Variants in CSMD3 observed in about 807,000 individuals in gnomAD.
The protein encoded by CSMD3 is CUB and sushi domain-containing protein 3.
A neutral mutation model predicts 435.2 loss-of-function variants in CSMD3; 177 were observed. The ratio of observed to expected loss-of-function variants is 0.41; its 90% CI spans 0.36 to 0.46. The LOEUF is 0.46. Ranked by LOEUF, CSMD3 falls within the 20% of genes least tolerant of loss-of-function variation. The pLI, the probability that CSMD3 is intolerant of heterozygous loss-of-function variation, is 0.34. For synonymous variants in CSMD3, 1,656 were observed against 1,520.5 expected (o/e 1.09, Z -2.07); for missense variants, 4,265 against 4,504.6 (o/e 0.95, Z 1.52).
intron 10 of CSMD3, among the ~76,000 whole-genome samples, chr8:112,867,694 G>A (rs1356547751): frequency 1.3e-5 from 2 of 151,902 alleles, no homozygotes; most frequent in African/African-American, 2.4e-5. Flanking sequence ...CAAAGAAAAG[G>A]TAAAAATATC....
chr8:112,998,813 G>T (rs1366545424), intron 6 of CSMD3, among the ~76,000 whole-genome samples: 1 of 151,836 alleles, frequency 6.6e-6, no homozygotes, highest in Non-Finnish European at 1.5e-5. Flanking sequence ...GTTCTCATGA[G>T]ATCTGGTTGT....
intron 59 of CSMD3, among the ~76,000 whole-genome samples, chr8:112,273,954 A>G (rs1253133733): frequency 2.0e-5 from 3 of 151,064 alleles, no homozygotes; most frequent in Admixed American, 6.6e-5. Context: ...AAAAAAAGCT[A>G]TACAGTATGG....
intron 1 of CSMD3, among the ~76,000 whole-genome samples, chr8:113,399,098 T>C (rs1234208376): frequency 9.9e-5 from 9 of 90,588 alleles, no homozygotes; most frequent in African/African-American, 3.7e-4. Context: ...TATATATATA[T>C]ATATATATAC....
chr8:113,386,256 G>A (rs936477924), intron 1 of CSMD3, among the ~76,000 whole-genome samples: 8 of 151,920 alleles, frequency 5.3e-5, no homozygotes, highest in African/African-American at 1.7e-4. Context: ...GGGGGTAGTA[G>A]ATGTCTGTAA....
At chr8:112,381,778 C>A (rs1481577055) in intron 37 of CSMD3, among the ~76,000 whole-genome samples, 1 of 152,134 alleles carries the variant, frequency 6.6e-6, no homozygotes, top group Non-Finnish European at 1.5e-5. Flanking sequence ...TGGAGTCACA[C>A]CAGGTGGGTC....
chr8:112,521,037 G>C (rs1282100651), intron 27 of CSMD3, among the ~76,000 whole-genome samples: 2 of 151,830 alleles, frequency 1.3e-5, no homozygotes, highest in African/African-American at 4.8e-5. Flanking sequence ...CACTGTTAAG[G>C]ACTTACTCCT....
chr8:112,384,159 T>G (rs1437637394), intron 36 of CSMD3, among the ~76,000 whole-genome samples: 1 of 152,230 alleles, frequency 6.6e-6, no homozygotes, highest in Admixed American at 6.5e-5. Flanking sequence ...TTTCCTTGCA[T>G]AAACTTTGCT....
At chr8:113,231,348 T>C (rs1225304384) in intron 3 of CSMD3, among the ~76,000 whole-genome samples, 1 of 151,372 alleles carries the variant, frequency 6.6e-6, no homozygotes, top group East Asian at 1.9e-4. Context: ...CATGGATATA[T>C]ATCTTTCTAA....
rs1828360659 is a variant in CSMD3 at position 112,558,792 on chromosome 8, A to T, written c.4043-1838T>A. ...ATCATCAACATTTTAAAATTAAGAC[A>T]AAATATGTGAAATAATAACTAGCCA... On this transcript the variant is annotated intron_variant, in intron 24 of 70. Transcript: ENST00000297405. Among the ~76,000 whole-genome samples the T allele has an allele frequency of 2.0e-5, 3 of 152,008 alleles. No homozygotes were observed. In the Admixed American group the frequency reaches 2.0e-4, roughly 10 times the overall value.
At chr8:112,808,364 G>C (rs990005474) in intron 12 of CSMD3, among the ~76,000 whole-genome samples, 1 of 152,070 alleles carries the variant, frequency 6.6e-6, no homozygotes. Flanking sequence ...ATCCTACCTT[G>C]TTTTAACTGG....
chr8:113,060,376 T>A (rs965431402), intron 5 of CSMD3, among the ~76,000 whole-genome samples: 1 of 151,028 alleles, frequency 6.6e-6, no homozygotes, highest in Admixed American at 6.6e-5. Context: ...TGCCACATTT[T>A]CTTAATCCAG....
At chr8:112,262,574 T>C (rs1048789499) in intron 61 of CSMD3, among the ~76,000 whole-genome samples, 4 of 152,238 alleles carry the variant, frequency 2.6e-5, no homozygotes, top group Admixed American at 6.5e-5. Flanking sequence ...AAGTGTTATA[T>C]GTCAGTGATG....
intron 6 of CSMD3, among the ~76,000 whole-genome samples, chr8:112,986,155 T>C (rs920628153): frequency 6.6e-6 from 1 of 152,216 alleles, no homozygotes; most frequent in African/African-American, 2.4e-5. Context: ...CAGTTAAATT[T>C]AAATGTCACG....
chr8:112,231,503 G>C, intron 69 of CSMD3, 42 bp downstream of exon 69: 1 of 1,161,798 alleles, frequency 8.6e-7, no homozygotes, highest in Non-Finnish European at 1.3e-6. Flanking sequence ...TGATGTCTGG[G>C]ATAATAACAG....
chr8:112,609,201 C>CAAAAA (rs71566035), intron 22 of CSMD3, among the ~76,000 whole-genome samples: 1,057 of 42,900 alleles, frequency 0.025, 97 homozygotes, highest in Non-Finnish European at 0.032. Flanking sequence ...GATACTGCCT[C>CAAAAA]AAAAAAAAAA....
At chr8:112,773,511 G>T (rs1354029557) in intron 13 of CSMD3, among the ~76,000 whole-genome samples, 1 of 152,018 alleles carries the variant, frequency 6.6e-6, no homozygotes, top group Non-Finnish European at 1.5e-5. Flanking sequence ...AATTAGAAAG[G>T]TATCTCAACT....
At chr8:112,564,463 T>C (rs1413057537) in intron 24 of CSMD3, among the ~76,000 whole-genome samples, 1 of 151,292 alleles carries the variant, frequency 6.6e-6, no homozygotes, top group African/African-American at 2.4e-5. Context: ...CAGAAGCCTC[T>C]TATGTACTGT....
At position 112,449,761 on chromosome 8, in the gene CSMD3, G is replaced by A. The variant is rs546412332; in HGVS notation, c.5395+22830C>T. 3.9e-5 allele frequency among the ~76,000 whole-genome samples: 6 copies of A among 152,140 alleles called. No homozygotes were observed. In the South Asian group the frequency reaches 1.2e-3, roughly 32 times the overall value. On this transcript the variant is annotated intron_variant, in intron 32 of 70. Coordinates refer to ENST00000297405, the MANE Select transcript of CSMD3 (RefSeq NM_198123.2). Reference sequence around the variant, plus strand: ...GAATGTTCTACGGATGTACCATTTGGTTACAGGCTGGAGTGCAGTGGCACG... The same window carrying A: ...GAATGTTCTACGGATGTACCATTTGATTACAGGCTGGAGTGCAGTGGCACG...
At chr8:112,386,529 GCT>G (rs1205129118) in intron 36 of CSMD3, among the ~76,000 whole-genome samples, 1 of 151,772 alleles carries the variant, frequency 6.6e-6, no homozygotes, top group Non-Finnish European at 1.5e-5. Flanking sequence ...ACAGAGTCTC[GCT>G]CTGTCGCCCA....
Sources: allele counts gnomAD v4.1 joint callset (sites outside exome capture counted in the v4.1 genomes callset), GRCh38; gene constraint gnomAD v4.1.1; transcripts MANE v1.5; gene names NCBI Gene and HGNC (gene_info 2026-07-23, HGNC 2026-07-21).